SLMAP: variants seen among roughly 807,000 people sequenced by gnomAD.
SLMAP encodes sarcolemmal membrane-associated protein.
A neutral mutation model predicts 128.8 loss-of-function variants in SLMAP; 44 were observed. That is an observed-to-expected ratio of 0.34 (90% CI 0.27 to 0.44). The LOEUF (loss-of-function observed/expected upper bound fraction) is 0.44, where lower values mean the gene tolerates loss of function less well. Among genes scored for constraint, SLMAP ranks in the 20% least tolerant of loss-of-function variants. The pLI is 1.00. For missense variants in SLMAP, 787 were observed against 985.3 expected, an observed-to-expected ratio of 0.80 and a Z score of 2.69; for synonymous variants, 327 against 348.8, an observed-to-expected ratio of 0.94 and a Z score of 0.70.
chr3:57,870,647 C>T (rs2095459377), intron 13 of SLMAP, among the ~76,000 whole-genome samples: 1 of 152,122 alleles, frequency 6.6e-6, no homozygotes, highest in African/African-American at 2.4e-5. Context: ...GTAGTGTCTG[C>T]CTCTCATGCA....
intron 17 of SLMAP, among the ~76,000 whole-genome samples, chr3:57,905,535 C>T (rs954490979): frequency 1.3e-5 from 2 of 152,170 alleles, no homozygotes; most frequent in African/African-American, 2.4e-5. Flanking sequence ...TCTGCCTTGG[C>T]TTCCCAAAGT....
chr3:57,885,823 G>C lies in SLMAP; in HGVS notation c.1301-4218G>C, dbSNP rs1178000291. Among the ~76,000 whole-genome samples the C allele has an allele frequency of 1.4e-4, 15 of 109,108 alleles. 1 individual carries two copies. Among genetic ancestry groups the C allele is most frequent in the South Asian group, 6.6e-4 (2 of 3,046 alleles). 71.6% of individuals were successfully genotyped at this position (109,108 alleles called of 152,430 possible). A position where few individuals can be genotyped will look rare whatever the true frequency, so the allele number is the denominator to read the frequency against. On this transcript the variant is annotated intron_variant, in intron 14 of 24. Transcript: ENST00000671191. ...TTTTGAGACAGAGTCTTGCTCTGTC[G>C]CCCAGGCTGGAGTGCAGTGGTGCGA...
At chr3:57,876,665 CTT>C (rs1475121236) in intron 14 of SLMAP, among the ~76,000 whole-genome samples, 2 of 152,162 alleles carry the variant, frequency 1.3e-5, no homozygotes, top group African/African-American at 2.4e-5. Context: ...TACATTGAAA[CTT>C]TTTGTGTTCT....
At position 57,756,610 on chromosome 3, in the gene SLMAP, G is replaced by C. The variant is rs79983180; in HGVS notation, c.-1042G>C. 0.06 allele frequency: 9,168 copies of C among 152,314 alleles called. 392 individuals carry two copies. Among genetic ancestry groups the C allele is most frequent in the Non-Finnish European group, 0.096 (6,514 of 68,104 alleles). 9.4% of individuals were successfully genotyped at this position (152,314 alleles called of 1,614,324 possible). A position where few individuals can be genotyped will look rare whatever the true frequency, so the allele number is the denominator to read the frequency against. ...CTTGCCCCATCGGCCGCGATCGGTG[G>C]AGGCTGCGGCGGATCCAGCCCGGGG... On this transcript the variant is annotated 5_prime_UTR_variant, in exon 2 of 25. Coordinates refer to ENST00000671191, the MANE Select transcript of SLMAP (RefSeq NM_001377540.1).
chr3:57,757,647 C>T lies in SLMAP; in HGVS notation c.-5C>T. The stretch of plus-strand genomic sequence containing the variant: ...GGTAGGAGAGACACCCCCAGTCTAT[C>T]CTCGATGCCGTCAGCCTTGGCCATC... On this transcript the variant is annotated 5_prime_UTR_variant, in exon 2 of 25. Transcript: ENST00000671191. The T allele has an allele frequency of 6.2e-7, 1 of 1,613,872 alleles. No individual in the cohort carries two copies.
At chr3:57,924,740 C>A (rs1451198778) in intron 23 of SLMAP, among the ~76,000 whole-genome samples, 1 of 151,834 alleles carries the variant, frequency 6.6e-6, no homozygotes, top group African/African-American at 2.4e-5. Flanking sequence ...CGCATTATCA[C>A]AGGGCATTTA....
intron 2 of SLMAP, among the ~76,000 whole-genome samples, chr3:57,794,994 A>G (rs1425939991): frequency 2.0e-5 from 3 of 152,198 alleles, no homozygotes; most frequent in South Asian, 2.1e-4. Flanking sequence ...ATCTTGAGGA[A>G]CTGCCAAAAT....
intron 2 of SLMAP, among the ~76,000 whole-genome samples, chr3:57,811,538 A>G (rs2090976707): frequency 1.3e-5 from 2 of 152,220 alleles, no homozygotes; most frequent in African/African-American, 4.8e-5. Context: ...GCTATTGTGA[A>G]TAATGCTGCT....
chr3:57,896,053 C>T (rs965460057), intron 15 of SLMAP, among the ~76,000 whole-genome samples: 37 of 44,832 alleles, frequency 8.3e-4, no homozygotes, highest in Admixed American at 3.7e-3. Flanking sequence ...AAGAACTGAT[C>T]GTGGTTTTTT....
chr3:57,909,228 C>A, intron 19 of SLMAP, 78 bp downstream of exon 19: 1 of 1,026,174 alleles, frequency 9.7e-7, no homozygotes, highest in East Asian at 2.5e-5. Flanking sequence ...GGAGGCCAGG[C>A]GCAGTGGCTC....
At chr3:57,849,953 T>G in intron 6 of SLMAP, 137 bp downstream of exon 6, 1 of 611,758 alleles carries the variant, frequency 1.6e-6, no homozygotes, top group South Asian at 2.1e-5. Context: ...GCAGAAGGAT[T>G]CTTTGAGGCC....
intron 2 of SLMAP, among the ~76,000 whole-genome samples, chr3:57,791,158 C>G (rs1229402122): frequency 6.6e-6 from 1 of 152,062 alleles, no homozygotes; most frequent in Non-Finnish European, 1.5e-5. Context: ...GAGTTCAAGG[C>G]CAGCCTGGCC....
At chr3:57,764,262 G>C (rs2079220295) in intron 2 of SLMAP, among the ~76,000 whole-genome samples, 1 of 152,240 alleles carries the variant, frequency 6.6e-6, no homozygotes. Flanking sequence ...AGCACTTTGG[G>C]AGGCCGAGAT....
rs893973113 is a variant in SLMAP, at chr3:57,847,311, C to T, written c.456+78C>T. On this transcript the variant is annotated intron_variant, in intron 5 of 24. Coordinates refer to ENST00000671191, the MANE Select transcript of SLMAP (RefSeq NM_001377540.1). The stretch of plus-strand genomic sequence containing the variant: ...AAATGTTTGTTTTTAATATGCTTTA[C>T]CTAGAAATTTATTTCTCTTTTATAA... 288 of 998,832 alleles carry T rather than the reference C, an allele frequency of 2.9e-4. 2 individuals carry two copies. The highest frequency in any genetic ancestry group is 5.9e-5 in the Non-Finnish European group (38 of 639,098). The allele number at this position is 998,832 out of a possible 1,614,324, so 61.9% of individuals were successfully genotyped here. A position where few individuals can be genotyped will look rare whatever the true frequency, so the allele number is the denominator to read the frequency against.
chr3:57,770,785 A>G (rs1336049536), intron 2 of SLMAP, among the ~76,000 whole-genome samples: 1 of 152,258 alleles, frequency 6.6e-6, no homozygotes, highest in Non-Finnish European at 1.5e-5. Context: ...GGCAGTCAAT[A>G]GCTTGTGGCT....
At chr3:57,784,091 G>T (rs531695128) in intron 2 of SLMAP, among the ~76,000 whole-genome samples, 1 of 152,282 alleles carries the variant, frequency 6.6e-6, no homozygotes, top group African/African-American at 2.4e-5. Context: ...TAGGCGGGGG[G>T]CCCAGACAGA....
At chr3:57,841,728 C>T (rs957237744) in intron 4 of SLMAP, among the ~76,000 whole-genome samples, 1 of 152,082 alleles carries the variant, frequency 6.6e-6, no homozygotes, top group Non-Finnish European at 1.5e-5. Context: ...ACTTCTTAAA[C>T]TGTGATCACT....
chr3:57,857,883 A>G, intron 7 of SLMAP, 55 bp downstream of exon 7: 1 of 1,224,142 alleles, frequency 8.2e-7, no homozygotes, highest in South Asian at 1.3e-5. Flanking sequence ...AATATTCCAT[A>G]CATGTTAAAT....
At chr3:57,907,013 T>TTTG (rs1243326064) in intron 17 of SLMAP, among the ~76,000 whole-genome samples, 2 of 151,736 alleles carry the variant, frequency 1.3e-5, no homozygotes, top group Non-Finnish European at 2.9e-5. Context: ...TCAGCAGATT[T>TTTG]TTGTTGTTGT....
Sources: allele counts gnomAD v4.1 joint callset (sites outside exome capture counted in the v4.1 genomes callset), GRCh38; gene constraint gnomAD v4.1.1; transcripts MANE v1.5; gene names NCBI Gene and HGNC (gene_info 2026-07-23, HGNC 2026-07-21).